POU6F2: variants seen among roughly 807,000 people sequenced by gnomAD.
POU6F2 encodes POU class 6 homeobox 2, also known as POU domain, class 6, transcription factor 2.
Under a neutral mutation model 71.3 loss-of-function variants are expected in POU6F2, and 31 were observed. That is an observed-to-expected ratio of 0.43 (90% CI 0.33 to 0.59). POU6F2 has a LOEUF of 0.59. POU6F2 is among the 20% of genes least tolerant of loss of function. The pLI is 0.04. For missense variants in POU6F2, 783 were observed against 856.8 expected (o/e 0.91, Z 1.07); for synonymous variants, 347 against 355.7 (o/e 0.98, Z 0.27).
intron 4 of POU6F2, among the ~76,000 whole-genome samples, chr7:39,317,884 T>G (rs1785303513): frequency 6.6e-6 from 1 of 152,188 alleles, no homozygotes; most frequent in East Asian, 1.9e-4. Flanking sequence ...ACATCTCTAA[T>G]TCTCATACAT....
intron 4 of POU6F2, among the ~76,000 whole-genome samples, chr7:39,310,306 A>C (rs552059378): frequency 8.5e-5 from 13 of 152,366 alleles, no homozygotes; most frequent in African/African-American, 2.9e-4. Flanking sequence ...AACACGTTAT[A>C]CACACTTAGG....
At chr7:39,433,313 C>T (rs1447519222) in intron 7 of POU6F2, 30 bp downstream of exon 7, 1 of 1,611,932 alleles carries the variant, frequency 6.2e-7, no homozygotes, top group Admixed American at 1.7e-5. Flanking sequence ...GCAGCCATGG[C>T]ACAGGACACT....
intron 4 of POU6F2, among the ~76,000 whole-genome samples, chr7:39,303,009 A>G (rs765312566): frequency 1.3e-5 from 2 of 152,254 alleles, no homozygotes; most frequent in Non-Finnish European, 2.9e-5. Flanking sequence ...CATTTCTACT[A>G]AGTTCCAAAG....
intron 1 of POU6F2, among the ~76,000 whole-genome samples, chr7:38,996,150 C>T (rs991448262): frequency 1.3e-5 from 2 of 149,694 alleles, no homozygotes; most frequent in African/African-American, 2.5e-5. Flanking sequence ...AGCGATTCTC[C>T]TGTCTCAGCC....
intron 1 of POU6F2, among the ~76,000 whole-genome samples, chr7:39,059,801 A>G (rs1416976781): frequency 6.6e-6 from 1 of 152,244 alleles, no homozygotes; most frequent in Non-Finnish European, 1.5e-5. Context: ...TGATGAACAG[A>G]TAAAGAAAAT....
chr7:39,066,148 C>T (rs924139898), intron 1 of POU6F2, among the ~76,000 whole-genome samples: 4 of 151,528 alleles, frequency 2.6e-5, no homozygotes, highest in African/African-American at 7.3e-5. Flanking sequence ...TAGGTTAACT[C>T]GAAAGAAAAA....
chr7:39,087,689 G>C (rs186186043), intron 2 of POU6F2, among the ~76,000 whole-genome samples: 1 of 152,108 alleles, frequency 6.6e-6, no homozygotes, highest in Non-Finnish European at 1.5e-5. Flanking sequence ...AATCAATTTT[G>C]AGTTCAACAA....
At chr7:39,249,572 G>T (rs879501472) in intron 4 of POU6F2, among the ~76,000 whole-genome samples, 1 of 152,212 alleles carries the variant, frequency 6.6e-6, no homozygotes, top group Admixed American at 6.5e-5. Flanking sequence ...CTTGCAAAGT[G>T]CATTGTAGCA....
At chr7:39,138,031 TATTAA>T (rs1490879492) in intron 2 of POU6F2, among the ~76,000 whole-genome samples, 1 of 152,238 alleles carries the variant, frequency 6.6e-6, no homozygotes, top group African/African-American at 2.4e-5. Flanking sequence ...AAGATTTTGC[TATTAA>T]ATTAGGCAAC....
At chr7:39,419,541 A>G (rs1787802151) in intron 6 of POU6F2, among the ~76,000 whole-genome samples, 1 of 152,008 alleles carries the variant, frequency 6.6e-6, no homozygotes, top group Admixed American at 6.6e-5. Context: ...TGCCTGGCCT[A>G]AAGTAGGGTC....
At chr7:39,183,330 A>G (rs370654907) in intron 2 of POU6F2, among the ~76,000 whole-genome samples, 1 of 152,102 alleles carries the variant, frequency 6.6e-6, no homozygotes, top group South Asian at 2.1e-4. Flanking sequence ...GGTTTAATTG[A>G]CTCACAGTTC....
At chr7:39,268,515 C>G (rs1022444250) in intron 4 of POU6F2, among the ~76,000 whole-genome samples, 1 of 152,016 alleles carries the variant, frequency 6.6e-6, no homozygotes, top group African/African-American at 2.4e-5. Context: ...GCAGAAGTGT[C>G]TATAGGGCAC....
At chr7:39,080,270 T>C (rs1408078801) in intron 1 of POU6F2, among the ~76,000 whole-genome samples, 2 of 152,198 alleles carry the variant, frequency 1.3e-5, no homozygotes, top group African/African-American at 4.8e-5. Flanking sequence ...TGGTAATTAA[T>C]AAAAGAAAGT....
At chr7:39,322,490 A>G (rs1254418628) in intron 4 of POU6F2, among the ~76,000 whole-genome samples, 1 of 152,190 alleles carries the variant, frequency 6.6e-6, no homozygotes, top group African/African-American at 2.4e-5. Flanking sequence ...TTTTAAGATT[A>G]TGATTTAATC....
At chr7:39,321,646 T>A (rs1199985012) in intron 4 of POU6F2, among the ~76,000 whole-genome samples, 1 of 152,188 alleles carries the variant, frequency 6.6e-6, no homozygotes, top group Non-Finnish European at 1.5e-5. Context: ...TTTTCCCAGA[T>A]AGGATGTGAA....
rs1414345158 is a variant in POU6F2 at position 39,451,708 on chromosome 7, A to G, written c.1489+7A>G. The G allele has an allele frequency of 6.4e-7, 1 of 1,574,498 alleles. No individual in the cohort carries two copies. The highest frequency in any genetic ancestry group is 8.6e-7 in the Non-Finnish European group (1 of 1,159,270). ...GTGGGCCAGTTAGTCAGCAGTAAGT[A>G]TCCTTTCTGGCTCGGTTTAAATCGT... On this transcript the variant is annotated splice_region_variant and intron_variant, in intron 8 of 9. Coordinates refer to ENST00000518318, the MANE Select transcript of POU6F2 (RefSeq NM_001370959.1).
chr7:39,260,844 T>G (rs2128754461), intron 4 of POU6F2, among the ~76,000 whole-genome samples: 1 of 150,768 alleles, frequency 6.6e-6, no homozygotes, highest in Middle Eastern at 3.5e-3. Context: ...ACACACACAA[T>G]GCACACATAG....
At chr7:39,278,316 C>T (rs1784496978) in intron 4 of POU6F2, among the ~76,000 whole-genome samples, 1 of 152,136 alleles carries the variant, frequency 6.6e-6, no homozygotes, top group South Asian at 2.1e-4. Context: ...CCAGGAGACA[C>T]AAACCAATGG....
In POU6F2 at chr7:39,277,968, A is replaced by T. The variant is rs1784482736; in HGVS notation, c.599-61674A>T. On this transcript the variant is annotated intron_variant, in intron 4 of 9. Coordinates refer to ENST00000518318, the MANE Select transcript of POU6F2 (RefSeq NM_001370959.1). ...GCTACTTGGGAGGCTGAGTCAGGAG[A>T]ATCGCTTGAAGCTGGGAGGTGGAGG... Among the ~76,000 whole-genome samples the T allele has an allele frequency of 2.0e-5, 3 of 151,938 alleles. No homozygotes were observed. In the South Asian group the frequency reaches 6.2e-4, roughly 32 times the overall value.
Sources: allele counts gnomAD v4.1 joint callset (sites outside exome capture counted in the v4.1 genomes callset), GRCh38; gene constraint gnomAD v4.1.1; transcripts MANE v1.5; gene names NCBI Gene and HGNC (gene_info 2026-07-23, HGNC 2026-07-21).